DLG2: variants seen among roughly 807,000 people sequenced by gnomAD.
The protein encoded by DLG2 is discs large MAGUK scaffold protein 2.
A neutral mutation model predicts 132.5 loss-of-function variants in DLG2; 45 were observed. The observed-to-expected ratio is 0.34, with a 90% confidence interval of 0.27 to 0.44. The LOEUF (loss-of-function observed/expected upper bound fraction) is 0.44, where lower values mean the gene tolerates loss of function less well. DLG2 is among the 20% of genes least tolerant of loss of function. The pLI is 1.00. For missense variants in DLG2, 1,045 were observed against 1,196.9 expected (o/e 0.87, Z 1.87); for synonymous variants, 424 against 419.6 (o/e 1.01, Z -0.13).
intron 6 of DLG2, among the ~76,000 whole-genome samples, chr11:84,786,839 A>G (rs2072979608): frequency 6.6e-6 from 1 of 152,188 alleles, no homozygotes; most frequent in African/African-American, 2.4e-5. Context: ...CTATGTTCAG[A>G]AAGATAGGCA....
intron 4 of DLG2, among the ~76,000 whole-genome samples, chr11:85,237,870 A>G (rs1338763140): frequency 6.6e-6 from 1 of 152,094 alleles, no homozygotes; most frequent in African/African-American, 2.4e-5. Context: ...AAAGACTGGC[A>G]GTTGGTGTTC....
chr11:84,623,809 G>T (rs1369474292), intron 6 of DLG2, among the ~76,000 whole-genome samples: 1 of 151,994 alleles, frequency 6.6e-6, no homozygotes, highest in Non-Finnish European at 1.5e-5. Context: ...GTATACATAC[G>T]TCCTTCCCAC....
At chr11:85,198,018 A>T (rs2081190085) in intron 4 of DLG2, among the ~76,000 whole-genome samples, 1 of 152,206 alleles carries the variant, frequency 6.6e-6, no homozygotes, top group Admixed American at 6.5e-5. Context: ...ATTATGATAA[A>T]TAACAGACGA....
intron 6 of DLG2, among the ~76,000 whole-genome samples, chr11:84,921,232 A>T (rs1402508921): frequency 6.6e-6 from 1 of 152,172 alleles, no homozygotes; most frequent in Non-Finnish European, 1.5e-5. Flanking sequence ...AGATAACCCT[A>T]AAAAATTATG....
At chr11:84,404,534 C>T (rs1349372738) in intron 7 of DLG2, among the ~76,000 whole-genome samples, 1 of 152,154 alleles carries the variant, frequency 6.6e-6, no homozygotes, top group Admixed American at 6.5e-5. Context: ...CATTGCCTAA[C>T]ACAGTGCCTA....
chr11:83,545,238 A>G (rs766137874), intron 19 of DLG2, among the ~76,000 whole-genome samples: 11 of 152,166 alleles, frequency 7.2e-5, no homozygotes, highest in Non-Finnish European at 8.8e-5. Context: ...TAACTGTAAA[A>G]CTGGCATAAA....
At chr11:83,776,246 T>C (rs2094579798) in intron 18 of DLG2, among the ~76,000 whole-genome samples, 1 of 152,218 alleles carries the variant, frequency 6.6e-6, no homozygotes, top group South Asian at 2.1e-4. Context: ...TATTTATGTC[T>C]ATTGGTTTTA....
intron 16 of DLG2, among the ~76,000 whole-genome samples, chr11:83,845,911 T>C (rs2058528769): frequency 6.6e-6 from 1 of 152,226 alleles, no homozygotes; most frequent in Non-Finnish European, 1.5e-5. Context: ...TGAAATAACA[T>C]AAAAATACTA....
intron 18 of DLG2, among the ~76,000 whole-genome samples, chr11:83,639,392 T>C (rs1317850233): frequency 6.6e-6 from 1 of 152,150 alleles, no homozygotes; most frequent in African/African-American, 2.4e-5. Flanking sequence ...TTGTTGGACA[T>C]TTGGGTTGGT....
intron 3 of DLG2, among the ~76,000 whole-genome samples, chr11:85,468,205 C>T (rs187977388): frequency 1.3e-4 from 19 of 151,430 alleles, no homozygotes; most frequent in Non-Finnish European, 2.5e-4. Context: ...TCTCTCCTTT[C>T]TTCTTTATTA....
intron 7 of DLG2, among the ~76,000 whole-genome samples, chr11:84,468,453 A>C (rs2099100335): frequency 6.6e-6 from 1 of 151,500 alleles, no homozygotes; most frequent in Non-Finnish European, 1.5e-5. Context: ...TTCCCTCCAC[A>C]CACCAAACCT....
At chr11:83,512,292 C>T (rs1466843031) in intron 21 of DLG2, among the ~76,000 whole-genome samples, 1 of 152,108 alleles carries the variant, frequency 6.6e-6, no homozygotes, top group Non-Finnish European at 1.5e-5. Context: ...TTGGAGAGGG[C>T]TGGAGCTCAG....
chr11:85,197,046 AG>A, intron 4 of DLG2, among the ~76,000 whole-genome samples: 1 of 152,336 alleles, frequency 6.6e-6, no homozygotes, highest in Non-Finnish European at 1.5e-5. Flanking sequence ...TACATTATAA[AG>A]ATAAAAGAAA....
intron 10 of DLG2, among the ~76,000 whole-genome samples, chr11:84,061,504 T>A (rs1228963666): frequency 6.6e-6 from 1 of 152,176 alleles, no homozygotes; most frequent in Non-Finnish European, 1.5e-5. Flanking sequence ...TGAGCAGAGA[T>A]TGGATTTGAT....
intron 6 of DLG2, among the ~76,000 whole-genome samples, chr11:84,707,811 A>T (rs2059937968): frequency 2.0e-5 from 3 of 151,844 alleles, no homozygotes. Flanking sequence ...TTTTGATCAT[A>T]CAAATATATA....
intron 6 of DLG2, among the ~76,000 whole-genome samples, chr11:85,032,142 C>T (rs2444255): frequency 0.71 from 108,127 of 151,648 alleles, 39,521 homozygotes; most frequent in East Asian, 0.94. Context: ...ATTTCTGTAA[C>T]TTCCCTCAAG....
At chr11:84,295,963 T>C (rs1404352423) in intron 7 of DLG2, among the ~76,000 whole-genome samples, 1 of 152,230 alleles carries the variant, frequency 6.6e-6, no homozygotes, top group Non-Finnish European at 1.5e-5. Context: ...ATGGATATTA[T>C]GCCAAGCTAC....
intron 3 of DLG2, among the ~76,000 whole-genome samples, chr11:85,548,561 T>C (rs549670609): frequency 9.9e-5 from 15 of 152,250 alleles, no homozygotes; most frequent in African/African-American, 3.6e-4. Context: ...CAGGCAGGGA[T>C]GTTTAAGTCT....
In DLG2 at chr11:85,578,716, CAA is replaced by C. The variant is rs567911138; in HGVS notation, c.40+19939_40+19940del. 8.3e-4 allele frequency among the ~76,000 whole-genome samples: 127 copies of C among 152,106 alleles called. 1 individual carries two copies. The highest frequency in any genetic ancestry group is 9.6e-4 in the Non-Finnish European group (65 of 67,938). ...ACACCAGTTAGAATGGCAATTACTACAAAGTGTTAAAATAACAGATACTAGAA... is the reference window on the plus strand; with the variant it reads ...ACACCAGTTAGAATGGCAATTACTACAGTGTTAAAATAACAGATACTAGAA... On this transcript the variant is annotated intron_variant, in intron 3 of 27. Transcript: ENST00000376104.
Sources: allele counts gnomAD v4.1 joint callset (sites outside exome capture counted in the v4.1 genomes callset), GRCh38; gene constraint gnomAD v4.1.1; transcripts MANE v1.5; gene names NCBI Gene and HGNC (gene_info 2026-07-23, HGNC 2026-07-21).